ADGRV1: variants seen among roughly 807,000 people sequenced by gnomAD.
ADGRV1 encodes G-protein coupled receptor 98.
Under a neutral mutation model 596.2 loss-of-function variants are expected in ADGRV1, and 359 were observed. That is an observed-to-expected ratio of 0.60 (90% CI 0.55 to 0.66). The LOEUF (loss-of-function observed/expected upper bound fraction) is 0.66, where lower values mean the gene tolerates loss of function less well. ADGRV1 is among the 30% of genes least tolerant of loss of function. ADGRV1 has a pLI of 0.00. For missense variants in ADGRV1, 7,274 were observed against 7,575.6 expected, an observed-to-expected ratio of 0.96 and a Z score of 1.48; for synonymous variants, 2,681 against 2,679.2, an observed-to-expected ratio of 1.00 and a Z score of -0.02.
chr5:90,725,513 C>A (rs1481814930), intron 47 of ADGRV1, 36 bp from the exon 48 acceptor site: 2 of 1,119,598 alleles, frequency 1.8e-6, no homozygotes, highest in Non-Finnish European at 2.7e-6. Flanking sequence ...TAGTTCAACT[C>A]TCCTTTAAGT....
intron 70 of ADGRV1, chr5:90,792,931 G>A (rs1340072209): frequency 6.6e-6 from 1 of 152,186 alleles, no homozygotes; most frequent in Non-Finnish European, 1.5e-5. Flanking sequence ...TCAGCCTCAC[G>A]TGCACATCTT....
intron 81 of ADGRV1, 146 bp from the exon 82 acceptor site, chr5:90,855,595 C>A: frequency 1.7e-6 from 1 of 585,656 alleles, no homozygotes. Context: ...AAGATGTTCC[C>A]TTCACTGTTT....
Position 90,829,197 on chromosome 5 carries a change from A to AAT in ADGRV1, c.16611+20_16611+21dup, listed in dbSNP as rs1764321554. ...AACTTTAGTACCCAGGTAAGCATGG[A>AAT]ATATATATATTCATACACGTTATGG... On this transcript the variant is annotated intron_variant, in intron 77 of 89. Coordinates refer to ENST00000405460, the MANE Select transcript of ADGRV1 (RefSeq NM_032119.4). 2.0e-6 allele frequency: 3 copies of AAT among 1,488,642 alleles called. No individual in the cohort carries two copies. Among genetic ancestry groups the AAT allele is most frequent in the Non-Finnish European group, 1.8e-6 (2 of 1,108,912 alleles). 92.2% of individuals were successfully genotyped at this position (1,488,642 alleles called of 1,614,324 possible). A position where few individuals can be genotyped will look rare whatever the true frequency, so the allele number is the denominator to read the frequency against.
chr5:91,050,159 G>A (rs1327708214), intron 85 of ADGRV1, among the ~76,000 whole-genome samples: 1 of 152,168 alleles, frequency 6.6e-6, no homozygotes, highest in African/African-American at 2.4e-5. Flanking sequence ...GTTGGATAAG[G>A]TATTCCTTGG....
intron 83 of ADGRV1, among the ~76,000 whole-genome samples, chr5:90,959,906 A>T (rs377350691): frequency 6.6e-6 from 1 of 152,070 alleles, no homozygotes; most frequent in Non-Finnish European, 1.5e-5. Context: ...TTGGGAGGCT[A>T]AGGTGGGCAG....
chr5:90,734,630 G>A (rs1463564278), intron 50 of ADGRV1, among the ~76,000 whole-genome samples: 1 of 138,948 alleles, frequency 7.2e-6, no homozygotes, highest in Non-Finnish European at 1.5e-5. Context: ...CTGTCGCCCA[G>A]GCTAGAGTGC....
Position 90,683,910 on chromosome 5 carries a change from A to G in ADGRV1, c.5989A>G (p.Ile1997Val). 2 of 1,613,724 alleles carry G rather than the reference A, an allele frequency of 1.2e-6. No individual in the cohort carries two copies. Among genetic ancestry groups the G allele is most frequent in the Non-Finnish European group, 1.7e-6 (2 of 1,179,744 alleles). Reference protein sequence around the residue: ...PVKVEEATQNITLSIIRLKGL... With the variant: ...PVKVEEATQNVTLSIIRLKGL... ...TAAAGTTGAGGAAGCAACCCAGAAC[A>G]TCACACTATCAATAATAAGGTTGAA... is the stretch of plus-strand genomic sequence containing the variant. Residue 1997 changes from isoleucine to valine, a missense_variant, in exon 28 of 90, where the codon ATC (isoleucine) becomes GTC (valine). Around this residue, in one of 5 missense-constraint regions of ADGRV1, gnomAD observed 3,643 missense variants for 3,809.2 expected, o/e 0.96. Coordinates refer to ENST00000405460, the MANE Select transcript of ADGRV1 (RefSeq NM_032119.4).
chr5:90,737,880 A>C (rs2222243), intron 50 of ADGRV1, among the ~76,000 whole-genome samples: 58,339 of 151,658 alleles, frequency 0.38, 12,224 homozygotes, highest in Admixed American at 0.54. Flanking sequence ...TTAATACATT[A>C]AGCCATTCTG....
At chr5:90,919,994 C>CAAAAA (rs59122926) in intron 83 of ADGRV1, among the ~76,000 whole-genome samples, 21 of 80,052 alleles carry the variant, frequency 2.6e-4, no homozygotes, top group Middle Eastern at 8.5e-3. Flanking sequence ...AACTCCATCT[C>CAAAAA]AAAAAAAAAA....
intron 83 of ADGRV1, among the ~76,000 whole-genome samples, chr5:90,867,206 G>C (rs1020243424): frequency 5.3e-5 from 8 of 152,038 alleles, no homozygotes; most frequent in Admixed American, 2.0e-4. Flanking sequence ...TTTCCTCATA[G>C]AAAACATGAT....
intron 75 of ADGRV1, among the ~76,000 whole-genome samples, chr5:90,820,113 A>G (rs1178777743): frequency 6.6e-6 from 1 of 151,758 alleles, no homozygotes; most frequent in Non-Finnish European, 1.5e-5. Context: ...TGTTGGGTGC[A>G]TATATATTTA....
At chr5:90,676,724 A>G (rs1483750752) in intron 25 of ADGRV1, 1 of 153,418 alleles carries the variant, frequency 6.5e-6, no homozygotes, top group Non-Finnish European at 1.4e-5. Flanking sequence ...AGGTTCCCCT[A>G]AGGTCACCTC....
chr5:90,775,338 CTTTTA>C (rs998921740), intron 60 of ADGRV1, among the ~76,000 whole-genome samples: 1 of 152,088 alleles, frequency 6.6e-6, no homozygotes, highest in Admixed American at 6.6e-5. Context: ...GCACCATATT[CTTTTA>C]TAAGTCTTTA....
chr5:90,737,219 T>G (rs931818289), intron 50 of ADGRV1, among the ~76,000 whole-genome samples: 43 of 152,018 alleles, frequency 2.8e-4, no homozygotes, highest in African/African-American at 9.9e-4. Context: ...TATATTTAAT[T>G]TCTACATATT....
chr5:90,861,304 A>ATT (rs549384273), intron 82 of ADGRV1, among the ~76,000 whole-genome samples: 14 of 146,532 alleles, frequency 9.6e-5, no homozygotes, highest in South Asian at 8.7e-4. Context: ...TTATTTATCT[A>ATT]TTTTTTTTTT....
intron 50 of ADGRV1, 56 bp downstream of exon 50, chr5:90,729,820 A>G: frequency 6.5e-7 from 1 of 1,549,686 alleles, no homozygotes; most frequent in South Asian, 1.2e-5. Context: ...AGCCAGAATG[A>G]TTTTAATCTC....
At chr5:90,577,172 T>C (rs1233164677) in intron 1 of ADGRV1, among the ~76,000 whole-genome samples, 1 of 152,222 alleles carries the variant, frequency 6.6e-6, no homozygotes, top group Non-Finnish European at 1.5e-5. Context: ...TTTTGGTGTT[T>C]TAGTCATGAA....
intron 85 of ADGRV1, among the ~76,000 whole-genome samples, chr5:90,999,490 T>C (rs1416780293): frequency 6.6e-6 from 1 of 151,972 alleles, no homozygotes; most frequent in Non-Finnish European, 1.5e-5. Flanking sequence ...TAATGCAAAG[T>C]GCTAAGAATT....
chr5:91,035,867 ATATATATAT>A (rs1784859265), intron 85 of ADGRV1, among the ~76,000 whole-genome samples: 1 of 122,740 alleles, frequency 8.1e-6, no homozygotes, highest in African/African-American at 3.0e-5. Flanking sequence ...TATATTATAT[ATATATATAT>A]ATATATCTTA....
Sources: gnomAD v4.1 joint callset for allele counts (sites outside exome capture counted in the v4.1 genomes callset) on GRCh38, gnomAD v4.1.1 for gene constraint, gnomAD v4.1.1 regional missense constraint, MANE v1.5 for transcripts, NCBI Gene and HGNC (gene_info 2026-07-23, HGNC 2026-07-21) for gene names.